The following WWOX variants were observed in gnomAD, a reference collection of about 807,000 sequenced individuals.
WWOX encodes the protein WW domain containing oxidoreductase.
A neutral mutation model predicts 46.2 loss-of-function variants in WWOX; 69 were observed. The ratio of observed to expected loss-of-function variants is 1.49; its 90% CI spans 1.23 to 1.82. The LOEUF is 1.82. Among genes scored for constraint, WWOX ranks in the 40% most tolerant of loss-of-function variants. The probability of loss-of-function intolerance (pLI) is 0.00; values close to 1 mark genes in which losing one functional copy is unlikely to be tolerated. For synonymous variants in WWOX, 359 were observed against 202.6 expected (o/e 1.77, Z -6.56); for missense variants, 919 against 542.6 (o/e 1.69, Z -6.89).
chr16:78,320,562 G>C (rs1057331346), intron 5 of WWOX, among the ~76,000 whole-genome samples: 1 of 152,298 alleles, frequency 6.6e-6, no homozygotes, highest in East Asian at 1.9e-4. Context: ...ATTATCTGGA[G>C]AAGGTATTGA....
At chr16:78,438,102 T>C (rs2083372614) in intron 8 of WWOX, among the ~76,000 whole-genome samples, 1 of 152,168 alleles carries the variant, frequency 6.6e-6, no homozygotes, top group South Asian at 2.1e-4. Context: ...CCTACCACAC[T>C]TCCAAATAGA....
intron 8 of WWOX, among the ~76,000 whole-genome samples, chr16:78,650,190 A>C (rs2046935198): frequency 6.6e-6 from 1 of 152,188 alleles, no homozygotes; most frequent in African/African-American, 2.4e-5. Flanking sequence ...CTTGCATAAA[A>C]AGGATCTCAT....
intron 8 of WWOX, among the ~76,000 whole-genome samples, chr16:78,471,591 C>G (rs543110491): frequency 1.3e-5 from 2 of 152,258 alleles, no homozygotes; most frequent in East Asian, 3.9e-4. Flanking sequence ...AATGTCTTGC[C>G]TTTTCTATTA....
intron 8 of WWOX, among the ~76,000 whole-genome samples, chr16:78,635,509 G>A (rs2046546047): frequency 1.3e-5 from 2 of 152,160 alleles, no homozygotes; most frequent in African/African-American, 2.4e-5. Context: ...TCCTGGCTGG[G>A]CCACTTACTT....
intron 1 of WWOX, among the ~76,000 whole-genome samples, chr16:78,107,600 C>A (rs1218383024): frequency 6.7e-6 from 1 of 149,324 alleles, no homozygotes; most frequent in African/African-American, 2.6e-5. Context: ...GGTCTTACTG[C>A]ATCTCTTAAC....
At chr16:78,319,672 A>G (rs1454381532) in intron 5 of WWOX, among the ~76,000 whole-genome samples, 1 of 152,212 alleles carries the variant, frequency 6.6e-6, no homozygotes, top group African/African-American at 2.4e-5. Context: ...CAATGGAAAA[A>G]TAAACGTTCT....
At chr16:78,425,450 A>G (rs1243502461) in intron 7 of WWOX, among the ~76,000 whole-genome samples, 1 of 152,216 alleles carries the variant, frequency 6.6e-6, no homozygotes, top group Non-Finnish European at 1.5e-5. Context: ...GATGAAATCA[A>G]ATTGTTTTAT....
At chr16:78,799,798 T>C (rs559816786) in intron 8 of WWOX, among the ~76,000 whole-genome samples, 72 of 152,364 alleles carry the variant, frequency 4.7e-4, no homozygotes, top group Admixed American at 2.8e-3. Flanking sequence ...TAGATATCTT[T>C]GGCTGTGTTG....
chr16:78,229,500 C>CTATATA lies in WWOX; in HGVS notation c.516+65216_516+65217insATATAT, dbSNP rs1202195249. On this transcript the variant is annotated intron_variant, in intron 5 of 8. Transcript: ENST00000566780. Reference sequence around the variant, plus strand: ...TATGTATATCTGTATATATATTTATCTATATCTATATAGAGATATATATAT... The same window carrying CTATATA: ...TATGTATATCTGTATATATATTTATCTATATATATATCTATATAGAGATATATATAT... Among the ~76,000 whole-genome samples, 898 of 110,346 alleles carry CTATATA rather than the reference C, an allele frequency of 8.1e-3. 19 individuals are homozygous for CTATATA. The highest frequency in any genetic ancestry group is 0.028 in the African/African-American group (849 of 30,390). The allele number at this position is 110,346 out of a possible 152,430, so 72.4% of individuals were successfully genotyped here.
rs535535820 is a variant in WWOX, at chr16:79,127,665, G to A, written c.1057-83943G>A. On this transcript the variant is annotated intron_variant, in intron 8 of 8. Coordinates refer to ENST00000566780, the MANE Select transcript of WWOX (RefSeq NM_016373.4). Reference sequence around the variant, plus strand: ...CATCGGCTGAGAGAGTATGCACTCCGGTCGTTTTCATAGATATTGCCAAAT... The same window carrying A: ...CATCGGCTGAGAGAGTATGCACTCCAGTCGTTTTCATAGATATTGCCAAAT... Among the ~76,000 whole-genome samples the A allele has an allele frequency of 2.5e-4, 38 of 152,224 alleles. No individual in the cohort carries two copies. In the South Asian group the frequency reaches 7.3e-3, roughly 29 times the overall value.
chr16:78,895,617 G>A (rs535567072), intron 8 of WWOX: 11 of 152,304 alleles, frequency 7.2e-5, no homozygotes, highest in African/African-American at 2.6e-4. Context: ...GAAACCCTGA[G>A]CAGCTTGGCA....
intron 8 of WWOX, among the ~76,000 whole-genome samples, chr16:78,702,195 A>G (rs914044434): frequency 6.7e-6 from 1 of 148,346 alleles, no homozygotes; most frequent in African/African-American, 2.5e-5. Flanking sequence ...CAGGAGAGTC[A>G]CTTAAGACTG....
chr16:79,151,437 T>C (rs1325944229), intron 8 of WWOX, among the ~76,000 whole-genome samples: 1 of 152,164 alleles, frequency 6.6e-6, no homozygotes, highest in East Asian at 1.9e-4. Flanking sequence ...GGACCAGACA[T>C]TCCTCAGCAC....
At chr16:78,958,263 T>C (rs1197390873) in intron 8 of WWOX, among the ~76,000 whole-genome samples, 1 of 152,210 alleles carries the variant, frequency 6.6e-6, no homozygotes, top group Non-Finnish European at 1.5e-5. Flanking sequence ...GTCCTTTTAA[T>C]GTCATCTTTA....
chr16:78,929,740 T>C (rs1020167081), intron 8 of WWOX, among the ~76,000 whole-genome samples: 12 of 151,866 alleles, frequency 7.9e-5, no homozygotes, highest in Admixed American at 4.6e-4. Context: ...GAAAAGAAAA[T>C]GGAAAGATGA....
intron 8 of WWOX, chr16:78,780,361 C>G (rs1385017340): frequency 6.6e-6 from 1 of 151,622 alleles, no homozygotes; most frequent in East Asian, 1.9e-4. Context: ...TTGATTAATT[C>G]ATTCATTCAC....
intron 8 of WWOX, among the ~76,000 whole-genome samples, chr16:78,503,180 A>C (rs988086967): frequency 2.0e-5 from 3 of 152,186 alleles, no homozygotes; most frequent in Non-Finnish European, 4.4e-5. Context: ...TGACCCCAGG[A>C]AATTCCCTTT....
At chr16:78,463,004 C>T (rs760803663) in intron 8 of WWOX, among the ~76,000 whole-genome samples, 1 of 152,204 alleles carries the variant, frequency 6.6e-6, no homozygotes, top group African/African-American at 2.4e-5. Context: ...TTTGCAGGCG[C>T]AGTGACATTT....
chr16:79,179,217 A>G (rs1022800170), intron 8 of WWOX, among the ~76,000 whole-genome samples: 1 of 152,232 alleles, frequency 6.6e-6, no homozygotes, highest in African/African-American at 2.4e-5. Flanking sequence ...ATGTAAAACA[A>G]CGTGTCTAAA....
Sources: gnomAD v4.1 joint callset for allele counts (sites outside exome capture counted in the v4.1 genomes callset) on GRCh38, gnomAD v4.1.1 for gene constraint, MANE v1.5 for transcripts, NCBI Gene and HGNC (gene_info 2026-07-23, HGNC 2026-07-21) for gene names.